The following FN3KRP variants were observed in gnomAD, a reference collection of about 807,000 sequenced individuals.
The protein encoded by FN3KRP is fructosamine 3 kinase related protein, also known as ketosamine-3-kinase.
In FN3KRP, 33 loss-of-function variants were observed where a neutral mutation model predicts 29.8. The ratio of observed to expected loss-of-function variants is 1.11; its 90% confidence interval spans 0.84 to 1.48. FN3KRP has a LOEUF of 1.48. FN3KRP is among the 40% of genes most tolerant of loss of function. The pLI is 0.00. For missense variants in FN3KRP, 430 were observed against 402.6 expected, an observed-to-expected ratio of 1.07 and a Z score of -0.58; for synonymous variants, 157 against 155.2, an observed-to-expected ratio of 1.01 and a Z score of -0.09.
At chr17:82,722,331 C>T (rs1232107775) in intron 3 of FN3KRP, among the ~76,000 whole-genome samples, 2 of 152,228 alleles carry the variant, frequency 1.3e-5, no homozygotes, top group Non-Finnish European at 2.9e-5. Flanking sequence ...GACAGGGTTT[C>T]ACCACGTTGG....
intron 4 of FN3KRP, among the ~76,000 whole-genome samples, chr17:82,724,611 GAAAA>G (rs938003968): frequency 7.3e-6 from 1 of 137,164 alleles, no homozygotes; most frequent in Non-Finnish European, 1.6e-5. Flanking sequence ...TCTCAAAAAA[GAAAA>G]AAAAAAAGTA....
In FN3KRP at chr17:82,727,078, G is replaced by A; in HGVS notation, c.837G>A (p.Leu279=). Residue 279 remains leucine (L), a synonymous_variant, in exon 6 of 6, where the codon TTG becomes TTA. Coordinates refer to ENST00000269373, the MANE Select transcript of FN3KRP (RefSeq NM_024619.4). ...CAGGATTCGAGAAGCGCCTTCAGTTGTATCAGCTCTTTCACTACTTGAACC... is the reference window on the plus strand; with the variant it reads ...CAGGATTCGAGAAGCGCCTTCAGTTATATCAGCTCTTTCACTACTTGAACC... ...KAPGFEKRLQ[L]YQLFHYLNHW... is the part of the protein sequence containing the mutation. 6.2e-7 allele frequency: 1 copy of A among 1,614,132 alleles called. No homozygotes were observed. The highest frequency in any genetic ancestry group is 8.5e-7 in the Non-Finnish European group (1 of 1,180,030).
At chr17:82,723,634 C>A (rs531926985) in intron 4 of FN3KRP, among the ~76,000 whole-genome samples, 6 of 152,070 alleles carry the variant, frequency 3.9e-5, no homozygotes, top group African/African-American at 1.4e-4. Flanking sequence ...TGTATGTGTG[C>A]ACACGTGTGT....
intron 1 of FN3KRP, chr17:82,718,524 T>G: frequency 9.9e-7 from 1 of 1,009,198 alleles, no homozygotes; most frequent in Non-Finnish European, 1.2e-6. Context: ...CTGTGTCCTG[T>G]AGGTGGAACA....
intron 1 of FN3KRP, among the ~76,000 whole-genome samples, chr17:82,717,178 C>T (rs909686701): frequency 3.9e-5 from 6 of 152,166 alleles, no homozygotes; most frequent in African/African-American, 9.7e-5. Context: ...AACTTTCTCT[C>T]GGGGGCGCTA....
chr17:82,722,860 G>C lies in FN3KRP; in HGVS notation c.442G>C (p.Val148Leu). ...TGTGGCCCGGTTTGGATTTGACGTGGTGACGTGCTGTGGATACCTCCCCCA... is the reference window on the plus strand; with the variant it reads ...TGTGGCCCGGTTTGGATTTGACGTGCTGACGTGCTGTGGATACCTCCCCCA... ...PFVARFGFDV[V>L]TCCGYLPQVN... Residue 148 changes from valine (V) to leucine (L), a missense_variant, in exon 4 of 6, where the codon GTG becomes CTG. Physicochemically the swap from Val to Leu is conservative, Grantham distance 32. Coordinates refer to ENST00000269373, the MANE Select transcript of FN3KRP (RefSeq NM_024619.4). 1.2e-6 allele frequency: 2 copies of C among 1,614,150 alleles called. No homozygotes were observed. Among genetic ancestry groups the C allele is most frequent in the Non-Finnish European group, 1.7e-6 (2 of 1,180,026 alleles).
At chr17:82,726,739 G>A (rs1431302234) in intron 5 of FN3KRP, 94 bp from the exon 6 acceptor site, 25 of 1,494,506 alleles carry the variant, frequency 1.7e-5, no homozygotes, top group Non-Finnish European at 2.0e-5. Flanking sequence ...TGTGCTATCC[G>A]CTGCTGCCTG....
At position 82,716,722 on chromosome 17, in the gene FN3KRP, A is replaced by T. The variant is rs1250521487; in HGVS notation, c.-34A>T. 6.8e-7 allele frequency: 1 copy of T among 1,464,738 alleles called. No homozygotes were observed. 90.7% of individuals were successfully genotyped at this position (1,464,738 alleles called of 1,614,324 possible). A position where few individuals can be genotyped will look rare whatever the true frequency, so the allele number is the denominator to read the frequency against. ...GGCCGCCGTCTCTCGAGTCTCCGCCAGATCCGGGGCGGGTCCGCGGCCGCG... is the reference window on the plus strand; with the variant it reads ...GGCCGCCGTCTCTCGAGTCTCCGCCTGATCCGGGGCGGGTCCGCGGCCGCG... On this transcript the variant is annotated 5_prime_UTR_variant, in exon 1 of 6. Coordinates refer to ENST00000269373, the MANE Select transcript of FN3KRP (RefSeq NM_024619.4).
chr17:82,720,165 CA>C, intron 2 of FN3KRP, 106 bp from the exon 3 acceptor site: 5 of 833,972 alleles, frequency 6.0e-6, no homozygotes, highest in Non-Finnish European at 9.4e-6. Flanking sequence ...GACTCCATCT[CA>C]AAAAAATAAA....
At position 82,716,888 on chromosome 17, in the gene FN3KRP, A is replaced by T; in HGVS notation, c.133A>T (p.Lys45Ter). The change falls in exon 1 of 6, where the codon AAG becomes TAG. Residue 45 changes from lysine to a stop codon, truncating the protein, a stop_gained. Transcript: ENST00000269373. LOFTEE classifies it high-confidence loss of function. Reference sequence around the variant, plus strand: ...ACGAGTGTTCGTGAAAGTGAACCCCAAGGCGGAGGTCAGGCAGCGGGTCGG... The same window carrying T: ...ACGAGTGTTCGTGAAAGTGAACCCCTAGGCGGAGGTCAGGCAGCGGGTCGG... The part of the protein sequence containing the change: ...QGRVFVKVNP[K>*]AEARRMFEGE... The T allele has an allele frequency of 6.4e-7, 1 of 1,566,802 alleles. No individual in the cohort carries two copies. The highest frequency in any genetic ancestry group is 1.2e-5 in the South Asian group (1 of 86,062).
intron 2 of FN3KRP, among the ~76,000 whole-genome samples, chr17:82,720,050 C>G (rs2046787617): frequency 6.6e-6 from 1 of 152,004 alleles, no homozygotes; most frequent in Non-Finnish European, 1.5e-5. Flanking sequence ...CCAGTAATCC[C>G]AGCTACTCGG....
At chr17:82,718,723 C>T (rs987234975) in intron 1 of FN3KRP, among the ~76,000 whole-genome samples, 183 bp from the exon 2 acceptor site, 1 of 152,234 alleles carries the variant, frequency 6.6e-6, no homozygotes, top group Admixed American at 6.5e-5. Flanking sequence ...CCAGTACAGC[C>T]TCTGAACCTG....
At chr17:82,717,357 G>A (rs1456434950) in intron 1 of FN3KRP, among the ~76,000 whole-genome samples, 2 of 152,166 alleles carry the variant, frequency 1.3e-5, no homozygotes, top group Non-Finnish European at 1.5e-5. Flanking sequence ...TGTGAAACGG[G>A]GCGAAGGTGC....
At chr17:82,720,422 G>GCACA in intron 3 of FN3KRP, 59 bp downstream of exon 3, 1 of 1,428,004 alleles carries the variant, frequency 7.0e-7, no homozygotes, top group Non-Finnish European at 9.7e-7. Context: ...CAGCCGGTGT[G>GCACA]GGCTCAGAGC....
intron 3 of FN3KRP, 154 bp from the exon 4 acceptor site, chr17:82,722,650 T>G (rs897204854): frequency 1.6e-6 from 1 of 626,700 alleles, no homozygotes; most frequent in East Asian, 2.8e-5. Context: ...AGGGGTGTTG[T>G]GTGAGCTGGT....
chr17:82,723,463 A>T (rs1304183056), intron 4 of FN3KRP, among the ~76,000 whole-genome samples: 1 of 152,010 alleles, frequency 6.6e-6, no homozygotes, highest in African/African-American at 2.4e-5. Context: ...GGTTTTCGCC[A>T]GCTCCGCCCC....
rs751950406 is a variant in FN3KRP at position 82,727,002 on chromosome 17, G to A, written c.761G>A (p.Gly254Asp). 1 of 1,614,034 alleles carries A rather than the reference G, an allele frequency of 6.2e-7. No individual in the cohort carries two copies. Among genetic ancestry groups the A allele is most frequent in the Non-Finnish European group, 8.5e-7 (1 of 1,180,042 alleles). The change falls in exon 6 of 6, where the codon GGC becomes GAC. Residue 254 changes from glycine to aspartate, a missense_variant. Gly to Asp is a moderately conservative substitution (Grantham distance 94). Transcript: ENST00000269373. ...CTGGCAATAGCTGGCATGTTTGGGGGCTTTAGCAGCTCCTTTTACTCCGCC... is the reference window on the plus strand; with the variant it reads ...CTGGCAATAGCTGGCATGTTTGGGGACTTTAGCAGCTCCTTTTACTCCGCC... ...YELAIAGMFG[G>D]FSSSFYSAYH...
Position 82,721,603 on chromosome 17 carries a change from C to T in FN3KRP, c.386-1201C>T, listed in dbSNP as rs988114222. Among the ~76,000 whole-genome samples the T allele has an allele frequency of 4.2e-4, 62 of 146,330 alleles. 1 individual carries two copies. The highest frequency in any genetic ancestry group is 7.6e-5 in the African/African-American group (3 of 39,440). The stretch of plus-strand genomic sequence containing the variant: ...CTGCAAGCTCCGCCTCCCGGGTCCA[C>T]GCCATTCTCCTGCCTCAGCCTCCTA... On this transcript the variant is annotated intron_variant, in intron 3 of 5. Transcript: ENST00000269373.
chr17:82,717,886 T>C lies in FN3KRP; in HGVS notation c.141+990T>C, dbSNP rs1383133236. ...TATGTGTATGTTGTGTGTGTGTACG[T>C]TGTATGTGTGTATGTTTGTAATGTT... On this transcript the variant is annotated intron_variant, in intron 1 of 5. Coordinates refer to ENST00000269373, the MANE Select transcript of FN3KRP (RefSeq NM_024619.4). Among the ~76,000 whole-genome samples the C allele has an allele frequency of 2.0e-5, 3 of 151,780 alleles. No homozygotes were observed. The East Asian group carries it at 5.8e-4, about 29-fold the overall frequency.
Sources: allele counts gnomAD v4.1 joint callset (sites outside exome capture counted in the v4.1 genomes callset), GRCh38; gene constraint gnomAD v4.1.1; transcripts MANE v1.5; gene names NCBI Gene and HGNC (gene_info 2026-07-23, HGNC 2026-07-21).